DPYSL3: variants seen among roughly 807,000 people sequenced by gnomAD.
DPYSL3 encodes the protein dihydropyrimidinase-related protein 3.
A neutral mutation model predicts 66.1 loss-of-function variants in DPYSL3; 16 were observed. That is an observed-to-expected ratio of 0.24 (90% CI 0.16 to 0.37). The LOEUF (loss-of-function observed/expected upper bound fraction) is 0.37, where lower values mean the gene tolerates loss of function less well. Among genes scored for constraint, DPYSL3 ranks in the 10% least tolerant of loss-of-function variants. The pLI is 1.00. For synonymous variants in DPYSL3, 338 were observed against 345.1 expected (o/e 0.98, Z 0.23); for missense variants, 738 against 916.2 (o/e 0.81, Z 2.51).
At chr5:147,409,735 T>C (rs1221649486) in intron 6 of DPYSL3, among the ~76,000 whole-genome samples, 3 of 152,180 alleles carry the variant, frequency 2.0e-5, no homozygotes, top group Non-Finnish European at 4.4e-5. Flanking sequence ...CTGGTCCCTA[T>C]GAACCTCTGC....
At chr5:147,466,401 A>C (rs138344886) in intron 1 of DPYSL3, among the ~76,000 whole-genome samples, 1 of 152,304 alleles carries the variant, frequency 6.6e-6, no homozygotes, top group Non-Finnish European at 1.5e-5. Context: ...GATGGCAGTG[A>C]GTTATCTCCA....
chr5:147,420,050 G>A (rs987583539), intron 2 of DPYSL3, among the ~76,000 whole-genome samples: 8 of 152,090 alleles, frequency 5.3e-5, no homozygotes, highest in Non-Finnish European at 1.0e-4. Flanking sequence ...CTCCACCAAC[G>A]AAGGCCGCAT....
Position 147,403,463 on chromosome 5 carries a change from G to C in DPYSL3, c.1154-1767C>G, listed in dbSNP as rs912507195. The stretch of plus-strand genomic sequence containing the variant: ...TGAATACCAGCTCTCCCAGCTGGGA[G>C]ATCCTGGACAAGTTGTGCTGCAATT... On this transcript the variant is annotated intron_variant, in intron 8 of 13. Transcript: ENST00000343218. Among the ~76,000 whole-genome samples, 8 of 152,156 alleles carry C rather than the reference G, an allele frequency of 5.3e-5. 1 individual carries two copies. The highest frequency in any genetic ancestry group is 3.3e-4 in the Admixed American group (5 of 15,278).
chr5:147,426,842 T>A (rs1165551320), intron 1 of DPYSL3, among the ~76,000 whole-genome samples: 1 of 152,186 alleles, frequency 6.6e-6, no homozygotes, highest in Non-Finnish European at 1.5e-5. Context: ...AATTTCATCA[T>A]ATCATATTGT....
At chr5:147,417,853 C>A (rs1336201098) in intron 3 of DPYSL3, among the ~76,000 whole-genome samples, 1 of 152,118 alleles carries the variant, frequency 6.6e-6, no homozygotes, top group African/African-American at 2.4e-5. Context: ...GCACTAAATG[C>A]AAGTGGAAGT....
At chr5:147,480,703 ATATTATTATTATTAT>A (rs10665228) in intron 1 of DPYSL3, among the ~76,000 whole-genome samples, 11 of 142,472 alleles carry the variant, frequency 7.7e-5, no homozygotes, top group Admixed American at 2.8e-4. Context: ...GAATATATAT[ATATTATTATTATTAT>A]TATTATTATT....
chr5:147,470,023 C>T (rs1198244855), intron 1 of DPYSL3, among the ~76,000 whole-genome samples: 3 of 152,172 alleles, frequency 2.0e-5, no homozygotes, highest in Non-Finnish European at 4.4e-5. Flanking sequence ...TTGTCTGAGA[C>T]GTCACTGCCT....
chr5:147,494,402 G>A (rs1171108185), intron 1 of DPYSL3, among the ~76,000 whole-genome samples: 1 of 151,812 alleles, frequency 6.6e-6, no homozygotes, highest in African/African-American at 2.4e-5. Context: ...AAAAATTAGA[G>A]TATCGATCAG....
At chr5:147,439,448 T>C (rs1243301598) in intron 1 of DPYSL3, among the ~76,000 whole-genome samples, 1 of 151,612 alleles carries the variant, frequency 6.6e-6, no homozygotes, top group Non-Finnish European at 1.5e-5. Context: ...GGATGGCTGA[T>C]GCTGAGTCAC....
intron 1 of DPYSL3, chr5:147,453,541 G>T: frequency 6.5e-7 from 1 of 1,532,230 alleles, no homozygotes; most frequent in Non-Finnish European, 8.8e-7. Context: ...AGCGGCGCCC[G>T]GACTCACCGT....
At chr5:147,460,389 G>A (rs995885524) in intron 1 of DPYSL3, among the ~76,000 whole-genome samples, 2 of 152,118 alleles carry the variant, frequency 1.3e-5, no homozygotes, top group African/African-American at 4.8e-5. Flanking sequence ...TATGTTCATG[G>A]GTTTGGGAAA....
chr5:147,482,000 CT>C (rs1480915403), intron 1 of DPYSL3, among the ~76,000 whole-genome samples: 2 of 152,146 alleles, frequency 1.3e-5, no homozygotes, highest in Non-Finnish European at 2.9e-5. Context: ...AGATTTGCCA[CT>C]TTTACAGTAA....
Position 147,510,055 on chromosome 5 carries a change from C to T in DPYSL3, c.-197G>A, listed in dbSNP as rs986326055. 2.2e-6 allele frequency: 2 copies of T among 918,002 alleles called. No homozygotes were observed. The highest frequency in any genetic ancestry group is 3.1e-6 in the Non-Finnish European group (2 of 642,892). The allele number at this position is 918,002 out of a possible 1,614,324, so 56.9% of individuals were successfully genotyped here. On this transcript the variant is annotated 5_prime_UTR_variant, in exon 1 of 14. Transcript: ENST00000343218. ...CCACACAGCCAGCTAGCGCGCGGAG[C>T]AGGGGCCCAGAGTAGCGCCGCGCTT...
At chr5:147,465,544 C>T (rs950263463) in intron 1 of DPYSL3, among the ~76,000 whole-genome samples, 3 of 152,188 alleles carry the variant, frequency 2.0e-5, no homozygotes, top group African/African-American at 7.2e-5. Context: ...AGGTGATCCA[C>T]CCGCCTTGGC....
At chr5:147,408,885 G>T in intron 6 of DPYSL3, 89 bp from the exon 7 acceptor site, 3 of 1,267,138 alleles carry the variant, frequency 2.4e-6, no homozygotes, top group South Asian at 1.2e-5. Context: ...AAGATCTAAA[G>T]AATAAATATG....
intron 7 of DPYSL3, among the ~76,000 whole-genome samples, chr5:147,407,125 A>G (rs551674120): frequency 6.6e-6 from 1 of 152,144 alleles, no homozygotes; most frequent in Admixed American, 6.5e-5. Flanking sequence ...GGCTCCTCCT[A>G]TGATCACTCC....
intron 1 of DPYSL3, among the ~76,000 whole-genome samples, chr5:147,508,899 G>C (rs1044270431): frequency 6.6e-6 from 1 of 152,116 alleles, no homozygotes; most frequent in African/African-American, 2.4e-5. Context: ...AGACACAAGC[G>C]AGGCATAGAG....
intron 1 of DPYSL3, among the ~76,000 whole-genome samples, chr5:147,482,125 A>AT (rs1474920526): frequency 6.6e-6 from 1 of 152,164 alleles, no homozygotes; most frequent in Non-Finnish European, 1.5e-5. Context: ...AGGGCCTCAT[A>AT]TTTTTGTTAT....
chr5:147,415,743 G>C lies in DPYSL3; in HGVS notation c.786C>G (p.Val262=), dbSNP rs1751951611. ...HVDITHWNDS[V]KQEVQNLIKD... The stretch of plus-strand genomic sequence containing the variant: ...TGATGAGGTTCTGCACTTCCTGCTT[G>C]ACGCTGTCATTCCAGTGGGTGATGT... The change falls in exon 4 of 14, where the codon GTC becomes GTG. Residue 262 remains valine (V), a synonymous_variant. Coordinates refer to ENST00000343218, the MANE Select transcript of DPYSL3 (RefSeq NM_001197294.2). The C allele has an allele frequency of 6.2e-7, 1 of 1,614,072 alleles. No individual in the cohort carries two copies. The highest frequency in any genetic ancestry group is 8.5e-7 in the Non-Finnish European group (1 of 1,179,990).
Sources: allele counts gnomAD v4.1 joint callset (sites outside exome capture counted in the v4.1 genomes callset), GRCh38; gene constraint gnomAD v4.1.1; transcripts MANE v1.5; gene names NCBI Gene and HGNC (gene_info 2026-07-23, HGNC 2026-07-21).